The following ADAMTS10 variants were observed in gnomAD, a reference collection of about 807,000 sequenced individuals.
ADAMTS10 encodes the protein A disintegrin and metalloproteinase with thrombospondin motifs 10.
Under a neutral mutation model 135.9 loss-of-function variants are expected in ADAMTS10, and 48 were observed. That is an observed-to-expected ratio of 0.35 (90% CI 0.28 to 0.45). The LOEUF (loss-of-function observed/expected upper bound fraction) is 0.45. Among genes scored for constraint, ADAMTS10 ranks in the 20% least tolerant of loss-of-function variants. The pLI is 1.00. For missense variants in ADAMTS10, 1,131 were observed against 1,565.2 expected (o/e 0.72, Z 4.68); for synonymous variants, 621 against 647.5 (o/e 0.96, Z 0.62).
At position 8,605,403 on chromosome 19, in the gene ADAMTS10, G is replaced by T; in HGVS notation, c.89-45C>A. ...GCCTGGGGTGGGCCCTGGTCTTATT[G>T]GACCCCTGTGTCCTGGCTGTTAGGC... On this transcript the variant is annotated intron_variant, in intron 3 of 25. Coordinates refer to ENST00000597188, the MANE Select transcript of ADAMTS10 (RefSeq NM_030957.4). The surrounding 1 kb of genome is among the most constrained non-coding windows in gnomAD (Gnocchi z 7.7). 6.5e-7 allele frequency: 1 copy of T among 1,537,420 alleles called. No individual in the cohort carries two copies. The highest frequency in any genetic ancestry group is 1.2e-5 in the South Asian group (1 of 84,384).
intron 1 of ADAMTS10, among the ~76,000 whole-genome samples, chr19:8,609,140 G>A (rs538358465): frequency 2.7e-5 from 4 of 149,168 alleles, no homozygotes; most frequent in African/African-American, 7.6e-5. Flanking sequence ...GTGACTGCAT[G>A]TACATTACAG....
intron 1 of ADAMTS10, among the ~76,000 whole-genome samples, chr19:8,609,046 G>T (rs1444975616): frequency 3.3e-5 from 5 of 151,800 alleles, no homozygotes; most frequent in African/African-American, 1.2e-4. Flanking sequence ...TGGGGCCAAA[G>T]ATGAAGCTTG....
intron 12 of ADAMTS10, 121 bp from the exon 13 acceptor site, chr19:8,592,991 C>T: frequency 2.2e-6 from 2 of 893,644 alleles, no homozygotes; most frequent in Non-Finnish European, 3.6e-6. Context: ...GAGCCCGGTG[C>T]TCCCTTCCTG....
In ADAMTS10 at chr19:8,582,324, C is replaced by T. The variant is rs373678597; in HGVS notation, c.3203-1322G>A. Among the ~76,000 whole-genome samples, 87 of 151,664 alleles carry T rather than the reference C, an allele frequency of 5.7e-4. 1 individual carries two copies. The South Asian group carries it at 0.01, about 18-fold the overall frequency. ...CTCTACTAAAAATACAAAAATTAGC[C>T]GGGCGTGGTGGCAGGCGCCTGTAGT... On this transcript the variant is annotated intron_variant, in intron 25 of 25. Coordinates refer to ENST00000597188, the MANE Select transcript of ADAMTS10 (RefSeq NM_030957.4).
chr19:8,589,582 C>G lies in ADAMTS10; in HGVS notation c.1904G>C (p.Gly635Ala). 2 of 1,613,356 alleles carry G rather than the reference C, an allele frequency of 1.2e-6. No homozygotes were observed. The highest frequency in any genetic ancestry group is 1.7e-6 in the Non-Finnish European group (2 of 1,179,968). ...FYKWKTYRGGGVKACSLTCLA... is the reference protein window; with the variant it reads ...FYKWKTYRGGAVKACSLTCLA... ...GCACGTGAGCGAGCAGGCCTTCACGCCCCCTGGGGGGCACGGCCCCGTCAC... is the reference window on the plus strand; with the variant it reads ...GCACGTGAGCGAGCAGGCCTTCACGGCCCCTGGGGGGCACGGCCCCGTCAC... Residue 635 changes from glycine (G) to alanine (A), a missense_variant, in exon 17 of 26, where the codon GGC (glycine) becomes GCC (alanine). Physicochemically the swap from Gly to Ala is moderately conservative, Grantham distance 60. This residue lies in a region of ADAMTS10 where 745 missense variants were observed against 1,056.3 expected (regional missense o/e 0.71). Transcript: ENST00000597188.
intron 12 of ADAMTS10, among the ~76,000 whole-genome samples, chr19:8,595,025 T>C (rs1337827210): frequency 3.9e-5 from 6 of 152,310 alleles, no homozygotes; most frequent in South Asian, 2.1e-4. Flanking sequence ...ACAAAAACTC[T>C]GATCGTTTGA....
In ADAMTS10 at chr19:8,601,151, G is replaced by C. The variant is rs2146093887; in HGVS notation, c.593-6C>G. ...CCCTTTCCACGGTTTCTCATCTGGG[G>C]AACCCAGTAGAGCAATTAAGCCCTG... On this transcript the variant is annotated splice_region_variant and splice_polypyrimidine_tract_variant and intron_variant, in intron 5 of 25. Coordinates refer to ENST00000597188, the MANE Select transcript of ADAMTS10 (RefSeq NM_030957.4). This position sits in a 1 kb window ranked among gnomAD's most constrained non-coding sequence, Gnocchi z 4.6. 6.2e-7 allele frequency: 1 copy of C among 1,612,424 alleles called. No individual in the cohort carries two copies. Among genetic ancestry groups the C allele is most frequent in the East Asian group, 2.2e-5 (1 of 44,868 alleles).
rs111623028 is a variant in ADAMTS10, at chr19:8,588,375, C to T, written c.2158+867G>A. Among the ~76,000 whole-genome samples the T allele has an allele frequency of 1.5e-3, 224 of 152,102 alleles. 2 individuals carry two copies. Among genetic ancestry groups the T allele is most frequent in the African/African-American group, 5.0e-3 (206 of 41,494 alleles). Reference sequence around the variant, plus strand: ...CCCTGGGATTACAGGTGTGAGCCACCGTGCCTGTCTCACTTTTGATGCCAG... The same window carrying T: ...CCCTGGGATTACAGGTGTGAGCCACTGTGCCTGTCTCACTTTTGATGCCAG... On this transcript the variant is annotated intron_variant, in intron 18 of 25. Transcript: ENST00000597188.
chr19:8,595,913 G>C lies in ADAMTS10; in HGVS notation c.1338-10C>G, dbSNP rs1321147332. ...GAGCCCCAGGCCCGAGCTGCCTCGAGAGAAAAGCAACTGTCATGCTAGGTG... is the reference window on the plus strand; with the variant it reads ...GAGCCCCAGGCCCGAGCTGCCTCGACAGAAAAGCAACTGTCATGCTAGGTG... On this transcript the variant is annotated splice_polypyrimidine_tract_variant and intron_variant, in intron 11 of 25. Coordinates refer to ENST00000597188, the MANE Select transcript of ADAMTS10 (RefSeq NM_030957.4). 3.1e-6 allele frequency: 5 copies of C among 1,614,066 alleles called. No individual in the cohort carries two copies. In the Admixed American group the frequency reaches 6.7e-5, roughly 22 times the overall value.
chr19:8,591,943 G>C lies in ADAMTS10; in HGVS notation c.1733+15C>G. ...GGTCGCGCTGCCCTCCCGGGTGGGGGTCCTGAGGGCTGACCTGGGGCTGTC... is the reference window on the plus strand; with the variant it reads ...GGTCGCGCTGCCCTCCCGGGTGGGGCTCCTGAGGGCTGACCTGGGGCTGTC... On this transcript the variant is annotated intron_variant, in intron 14 of 25. Transcript: ENST00000597188. 6.2e-7 allele frequency: 1 copy of C among 1,612,206 alleles called. No individual in the cohort carries two copies. Among genetic ancestry groups the C allele is most frequent in the Non-Finnish European group, 8.5e-7 (1 of 1,179,654 alleles).
rs2042593276 is a variant in ADAMTS10 at position 8,595,605 on chromosome 19, CCT to C, written c.1479+155_1479+156del. ...TAGGACATTTTGCACACTCCATGCA[CCT>C]CTGTCCTCCCAGGTCACCATGGGGG... is the stretch of plus-strand genomic sequence containing the variant. On this transcript the variant is annotated intron_variant, in intron 12 of 25. Coordinates refer to ENST00000597188, the MANE Select transcript of ADAMTS10 (RefSeq NM_030957.4). 4.2e-6 allele frequency: 5 copies of C among 1,181,424 alleles called. No individual in the cohort carries two copies. In the Admixed American group the frequency reaches 7.7e-5, roughly 18 times the overall value. The allele number at this position is 1,181,424 out of a possible 1,614,324, so 73.2% of individuals were successfully genotyped here. A position where few individuals can be genotyped will look rare whatever the true frequency, so the allele number is the denominator to read the frequency against.
At position 8,585,186 on chromosome 19, in the gene ADAMTS10, G is replaced by A; in HGVS notation, c.2988C>T (p.Arg996=). 1 of 1,417,158 alleles carries A rather than the reference G, an allele frequency of 7.1e-7. No homozygotes were observed. The highest frequency in any genetic ancestry group is 9.2e-7 in the Non-Finnish European group (1 of 1,090,536). The allele number at this position is 1,417,158 out of a possible 1,614,324, so 87.8% of individuals were successfully genotyped here. A position where few individuals can be genotyped will look rare whatever the true frequency, so the allele number is the denominator to read the frequency against. The change falls in exon 24 of 26, where the codon CGC becomes CGT. Residue 996 remains arginine, a synonymous_variant. Transcript: ENST00000597188. Reference sequence around the variant, plus strand: ...CCGGGGGGCAGCGGCGCAAGTTGCAGCGCATGGTGGCCGGTGGCTTGGCGG... The same window carrying A: ...CCGGGGGGCAGCGGCGCAAGTTGCAACGCATGGTGGCCGGTGGCTTGGCGG... ...SPAAKPPATM[R]CNLRRCPPAR... is the part of the protein sequence containing the mutation.
intron 6 of ADAMTS10, among the ~76,000 whole-genome samples, chr19:8,598,165 T>G (rs1371522000): frequency 6.6e-6 from 1 of 152,054 alleles, no homozygotes; most frequent in African/African-American, 2.4e-5. Flanking sequence ...AATTTACAGA[T>G]GAGGAGACAT....
chr19:8,592,349 G>A (rs971040933), intron 13 of ADAMTS10: 3 of 727,472 alleles, frequency 4.1e-6, no homozygotes, highest in Admixed American at 2.9e-5. Context: ...ACAGGACCAC[G>A]ATAAGCGTGG....
chr19:8,586,822 G>C lies in ADAMTS10; in HGVS notation c.2233C>G (p.His745Asp). Reference protein sequence around the residue: ...FIQDLNLSLSHLALKGDQESL... With the variant: ...FIQDLNLSLSDLALKGDQESL... ...CTCCCCACCATCTGCTCACCCAAGT[G>C]ACTGAGAGAGAGGTTCAGATCCTGG... The change falls in exon 19 of 26, where the codon CAC becomes GAC. Residue 745 changes from histidine to aspartate, a missense_variant. Physicochemically the swap from His to Asp is moderately conservative, Grantham distance 81 (BLOSUM62 -1). Transcript: ENST00000597188. The C allele has an allele frequency of 6.2e-7, 1 of 1,614,078 alleles. No individual in the cohort carries two copies.
chr19:8,587,462 C>A lies in ADAMTS10; in HGVS notation c.2159-566G>T, dbSNP rs555448797. On this transcript the variant is annotated intron_variant, in intron 18 of 25. Transcript: ENST00000597188. ...AAAGTGCTGGGAGCACCGGTATGAG[C>A]CTGGCCAGCTTTTTTTTTTTTTCAG... Among the ~76,000 whole-genome samples the A allele has an allele frequency of 1.0e-3, 125 of 119,738 alleles. 2 individuals carry two copies. In the East Asian group the frequency reaches 0.038, roughly 36 times the overall value. 78.6% of individuals were successfully genotyped at this position (119,738 alleles called of 152,430 possible).
Position 8,591,829 on chromosome 19 carries a change from T to G in ADAMTS10, c.1768A>C (p.Arg590=). 1 of 1,613,806 alleles carries G rather than the reference T, an allele frequency of 6.2e-7. No homozygotes were observed. Among genetic ancestry groups the G allele is most frequent in the Non-Finnish European group, 8.5e-7 (1 of 1,180,018 alleles). ...TIGGKYCLGE[R]RRHRSCNTDD... is the part of the protein sequence containing the mutation. ...GTGTTGCAGGAGCGGTGCCGCCTTC[T>G]CTCACCCAGACAGTACTTGCCCCCG... The change falls in exon 15 of 26, where the codon AGA becomes CGA. Residue 590 remains arginine (R), a synonymous_variant. Transcript: ENST00000597188.
At chr19:8,584,154 CAAAA>C (rs34412373) in intron 25 of ADAMTS10, among the ~76,000 whole-genome samples, 4 of 44,890 alleles carry the variant, frequency 8.9e-5, no homozygotes, top group East Asian at 5.8e-4. Flanking sequence ...GACTCCATCT[CAAAA>C]AAAAAAAAAA....
At chr19:8,589,662 C>T in intron 16 of ADAMTS10, 77 bp from the exon 17 acceptor site, 1 of 1,596,126 alleles carries the variant, frequency 6.3e-7, no homozygotes, top group African/African-American at 1.3e-5. Flanking sequence ...GGAGTGAGGC[C>T]AAGAGGGACA....
Sources: gnomAD v4.1 joint callset for allele counts (sites outside exome capture counted in the v4.1 genomes callset) on GRCh38, gnomAD v4.1.1 for gene constraint, gnomAD v4.1.1 regional missense constraint, Gnocchi (gnomAD v3.1) non-coding constraint, MANE v1.5 for transcripts, NCBI Gene and HGNC (gene_info 2026-07-23, HGNC 2026-07-21) for gene names.